Variants in LAMA2 observed in about 807,000 individuals in gnomAD.
The protein encoded by LAMA2 is laminin subunit alpha 2.
LAMA2 carries 269 observed loss-of-function variants against 364.8 expected under a neutral mutation model. The observed-to-expected ratio is 0.74, with a 90% confidence interval of 0.67 to 0.82. The LOEUF is 0.82. Ranked by LOEUF, LAMA2 falls within the 40% of genes least tolerant of loss-of-function variation. The pLI is 0.00. For missense variants in LAMA2, 3,807 were observed against 3,873.2 expected (o/e 0.98, Z 0.45); for synonymous variants, 1,379 against 1,370.6 (o/e 1.01, Z -0.14).
intron 1 of LAMA2, among the ~76,000 whole-genome samples, chr6:128,991,287 A>T (rs1783594382): frequency 6.6e-6 from 1 of 152,162 alleles, no homozygotes; most frequent in African/African-American, 2.4e-5. Flanking sequence ...AATTTATATC[A>T]ACTGACACAG....
intron 17 of LAMA2, among the ~76,000 whole-genome samples, chr6:129,275,950 C>T (rs1788293594): frequency 6.6e-6 from 1 of 151,902 alleles, no homozygotes; most frequent in Non-Finnish European, 1.5e-5. Context: ...GAGATTAAAT[C>T]AGATTTCATA....
intron 13 of LAMA2, among the ~76,000 whole-genome samples, chr6:129,250,449 A>G (rs529004592): frequency 6.6e-6 from 1 of 152,364 alleles, no homozygotes; most frequent in South Asian, 2.1e-4. Flanking sequence ...TTGAAATTAA[A>G]TTTCAAACAT....
chr6:128,937,380 A>G (rs1779891100), intron 1 of LAMA2, among the ~76,000 whole-genome samples: 2 of 152,210 alleles, frequency 1.3e-5, no homozygotes, highest in East Asian at 3.9e-4. Context: ...ACCTCATATA[A>G]TGAGATTGGA....
chr6:129,401,099 C>CGT, intron 37 of LAMA2, 125 bp from the exon 38 acceptor site: 2 of 767,138 alleles, frequency 2.6e-6, no homozygotes, highest in South Asian at 1.4e-5. Flanking sequence ...CTCATCTAGC[C>CGT]ACATTTCAAC....
Position 128,906,574 on chromosome 6 carries a change from A to AT in LAMA2, c.112+23221dup, listed in dbSNP as rs1348189148. Among the ~76,000 whole-genome samples, 22 of 150,350 alleles carry AT rather than the reference A, an allele frequency of 1.5e-4. 1 individual carries two copies. The highest frequency in any genetic ancestry group is 7.3e-4 in the Admixed American group (11 of 15,114). On this transcript the variant is annotated intron_variant, in intron 1 of 64. Transcript: ENST00000421865. ...GAGTAGGTTGCGAAAATTTTCTCCC[A>AT]TTTTGTAGGTTGCCTGTTCACTCTG... is the stretch of plus-strand genomic sequence containing the variant.
chr6:129,229,117 C>A (rs909537944), intron 12 of LAMA2, among the ~76,000 whole-genome samples: 20 of 152,096 alleles, frequency 1.3e-4, no homozygotes, highest in African/African-American at 4.6e-4. Context: ...ACAACTTAGA[C>A]CTCATGAAGC....
intron 37 of LAMA2, among the ~76,000 whole-genome samples, chr6:129,393,483 A>G (rs924953343): frequency 9.2e-5 from 14 of 152,206 alleles, no homozygotes; most frequent in Non-Finnish European, 2.9e-5. Context: ...ATTTTGATAA[A>G]TTAAACTGTT....
chr6:129,441,071 T>C, intron 43 of LAMA2, 73 bp downstream of exon 43: 1 of 1,340,910 alleles, frequency 7.5e-7, no homozygotes, highest in Admixed American at 1.7e-5. Context: ...GACCTGTAAA[T>C]GCTCGAGTTG....
intron 1 of LAMA2, among the ~76,000 whole-genome samples, chr6:128,915,061 A>T (rs1417223933): frequency 6.6e-6 from 1 of 152,156 alleles, no homozygotes; most frequent in Admixed American, 6.6e-5. Context: ...TTGTTGCTGG[A>T]CCCTATTCAG....
chr6:129,460,125 A>G (rs977577386), intron 48 of LAMA2, 75 bp from the exon 49 acceptor site: 6 of 1,389,712 alleles, frequency 4.3e-6, no homozygotes, highest in Middle Eastern at 3.6e-4. Context: ...TTCTGCTGAT[A>G]ATAACTCTCA....
intron 3 of LAMA2, among the ~76,000 whole-genome samples, chr6:129,062,705 G>C (rs975292399): frequency 6.6e-6 from 1 of 152,076 alleles, no homozygotes; most frequent in Admixed American, 6.5e-5. Flanking sequence ...ATAATGAATA[G>C]GTAAATATCA....
At chr6:129,426,055 T>G (rs1717650206) in intron 40 of LAMA2, among the ~76,000 whole-genome samples, 1 of 152,162 alleles carries the variant, frequency 6.6e-6, no homozygotes, top group Non-Finnish European at 1.5e-5. Context: ...GCCTATATTA[T>G]CTTGACAATT....
rs2228599 is a variant in LAMA2 at position 129,505,343 on chromosome 6, A to G, written c.8691A>G (p.Arg2897=). ...VGGLPINYTT[R]RIGPVTYSID... ...GGTTACCCATCAACTACACTACCCG[A>G]AGAATTGGTCCAGTAAATATCTGAT... is the stretch of plus-strand genomic sequence containing the variant. The change falls in exon 61 of 65, where the codon CGA becomes CGG. Residue 2897 remains arginine, a synonymous_variant. Transcript: ENST00000421865. 4,593 of 1,613,018 alleles carry G rather than the reference A, an allele frequency of 2.8e-3. 122 individuals are homozygous for G. The African/African-American group carries it at 0.053, about 19-fold the overall frequency.
chr6:129,343,509 T>G (rs1341789685), intron 30 of LAMA2, among the ~76,000 whole-genome samples: 1 of 152,222 alleles, frequency 6.6e-6, no homozygotes, highest in Admixed American at 6.5e-5. Context: ...ATGGTCTTAT[T>G]GTTCATCCAG....
intron 34 of LAMA2, among the ~76,000 whole-genome samples, chr6:129,376,545 CA>C (rs1778386079): frequency 6.6e-6 from 1 of 152,098 alleles, no homozygotes; most frequent in African/African-American, 2.4e-5. Context: ...GGATAAAGAC[CA>C]AAATTCTCCC....
At chr6:129,092,097 G>C (rs1489346343) in intron 3 of LAMA2, among the ~76,000 whole-genome samples, 1 of 152,184 alleles carries the variant, frequency 6.6e-6, no homozygotes, top group South Asian at 2.1e-4. Flanking sequence ...CTACCTCGGT[G>C]AGGTTCTAGA....
At chr6:129,295,308 G>A (rs1410728287) in intron 20 of LAMA2, among the ~76,000 whole-genome samples, 1 of 152,156 alleles carries the variant, frequency 6.6e-6, no homozygotes, top group Non-Finnish European at 1.5e-5. Flanking sequence ...TTGCAAAAAG[G>A]AAGCACAATA....
At chr6:129,478,154 G>A (rs9483032) in intron 53 of LAMA2, among the ~76,000 whole-genome samples, 104,994 of 151,964 alleles carry the variant, frequency 0.69, 36,371 homozygotes, top group Middle Eastern at 0.73. Flanking sequence ...AATGTTTCTT[G>A]GACTTTGTTT....
chr6:129,385,568 T>C (rs963575604), intron 35 of LAMA2, among the ~76,000 whole-genome samples: 1 of 152,306 alleles, frequency 6.6e-6, no homozygotes, highest in South Asian at 2.1e-4. Context: ...GTACTATTCA[T>C]CCTATCTTTC....
Sources: allele counts gnomAD v4.1 joint callset (sites outside exome capture counted in the v4.1 genomes callset), GRCh38; gene constraint gnomAD v4.1.1; transcripts MANE v1.5; gene names NCBI Gene and HGNC (gene_info 2026-07-23, HGNC 2026-07-21).